Variants in ANKS1B observed in about 807,000 individuals in gnomAD.
ANKS1B encodes ankyrin repeat and sterile alpha motif domain containing 1B, also known as ankyrin repeat and sterile alpha motif domain-containing protein 1B.
Under a neutral mutation model 148.3 loss-of-function variants are expected in ANKS1B, and 36 were observed. That is an observed-to-expected ratio of 0.24 (90% CI 0.19 to 0.32). The LOEUF (loss-of-function observed/expected upper bound fraction) is 0.32. ANKS1B is among the 10% of genes least tolerant of loss of function. The pLI, the probability that ANKS1B is intolerant of heterozygous loss-of-function variation, is 1.00. For synonymous variants in ANKS1B, 542 were observed against 560.8 expected, an observed-to-expected ratio of 0.97 and a Z score of 0.47; for missense variants, 1,157 against 1,542.6, an observed-to-expected ratio of 0.75 and a Z score of 4.19.
At chr12:99,751,260 CT>C (rs1196652740) in intron 8 of ANKS1B, among the ~76,000 whole-genome samples, 1 of 151,776 alleles carries the variant, frequency 6.6e-6, no homozygotes, top group African/African-American at 2.4e-5. Context: ...AATTGTAATT[CT>C]TTTTTGAAAT....
chr12:98,735,955 C>T (rs2097770633), intron 9 of ANKS1B, among the ~76,000 whole-genome samples: 1 of 152,148 alleles, frequency 6.6e-6, no homozygotes, highest in Admixed American at 6.5e-5. Flanking sequence ...GTCGGGAAAC[C>T]ATTCTGAAGG....
intron 10 of ANKS1B, among the ~76,000 whole-genome samples, chr12:99,487,180 C>T (rs1163688631): frequency 6.6e-6 from 1 of 152,154 alleles, no homozygotes; most frequent in Non-Finnish European, 1.5e-5. Context: ...CAGGGTATTC[C>T]CTTGATTTGG....
chr12:99,347,593 ACTAG>A (rs1211300531), intron 12 of ANKS1B, among the ~76,000 whole-genome samples: 1 of 152,058 alleles, frequency 6.6e-6, no homozygotes, highest in Non-Finnish European at 1.5e-5. Context: ...TTGTCAAATC[ACTAG>A]CTGACCATTG....
At chr12:99,338,450 T>C (rs1467438293) in intron 12 of ANKS1B, among the ~76,000 whole-genome samples, 1 of 152,090 alleles carries the variant, frequency 6.6e-6, no homozygotes, top group African/African-American at 2.4e-5. Context: ...CCAGGGAAGG[T>C]CCAGAAATGT....
At chr12:99,465,859 C>G (rs1003942833) in intron 10 of ANKS1B, among the ~76,000 whole-genome samples, 1 of 152,090 alleles carries the variant, frequency 6.6e-6, no homozygotes, top group Non-Finnish European at 1.5e-5. Flanking sequence ...CTATAACACC[C>G]CACTGTCAAC....
At chr12:99,581,877 G>A (rs1271606277) in intron 9 of ANKS1B, among the ~76,000 whole-genome samples, 9 of 133,428 alleles carry the variant, frequency 6.7e-5, no homozygotes, top group Admixed American at 3.4e-4. Context: ...CAGCCTGGGC[G>A]ACAGAGCGAG....
chr12:99,287,917 A>G (rs1418732390), intron 12 of ANKS1B, among the ~76,000 whole-genome samples: 1 of 152,204 alleles, frequency 6.6e-6, no homozygotes, highest in Non-Finnish European at 1.5e-5. Flanking sequence ...TAAGATGTAG[A>G]AAATAGCTTC....
intron 25 of ANKS1B, among the ~76,000 whole-genome samples, chr12:98,768,884 G>GC (rs1566244055): frequency 6.6e-6 from 1 of 151,512 alleles, no homozygotes; most frequent in African/African-American, 2.4e-5. Flanking sequence ...GCTTCTGTAG[G>GC]GGGGGCTCCA....
intron 1 of ANKS1B, among the ~76,000 whole-genome samples, chr12:99,925,095 C>A (rs1180324434): frequency 6.6e-6 from 1 of 152,124 alleles, no homozygotes; most frequent in Non-Finnish European, 1.5e-5. Context: ...TGGCTGGGGG[C>A]TGGCTTACAC....
chr12:99,302,121 T>C (rs941762559), intron 12 of ANKS1B, among the ~76,000 whole-genome samples: 1 of 152,146 alleles, frequency 6.6e-6, no homozygotes, highest in Non-Finnish European at 1.5e-5. Context: ...GATGGAGATA[T>C]TCTCTTTCCA....
At chr12:99,375,406 C>T (rs2093350940) in intron 12 of ANKS1B, among the ~76,000 whole-genome samples, 1 of 152,150 alleles carries the variant, frequency 6.6e-6, no homozygotes, top group Non-Finnish European at 1.5e-5. Flanking sequence ...AGGTCTGTCC[C>T]TTTCTTACGT....
intron 9 of ANKS1B, among the ~76,000 whole-genome samples, chr12:99,604,387 A>T (rs973655666): frequency 6.6e-6 from 1 of 152,100 alleles, no homozygotes; most frequent in Non-Finnish European, 1.5e-5. Flanking sequence ...CCAACTGGAA[A>T]ATCTCAAAGT....
chr12:99,857,687 G>A (rs1352297087), intron 1 of ANKS1B, among the ~76,000 whole-genome samples: 1 of 151,970 alleles, frequency 6.6e-6, no homozygotes, highest in Admixed American at 6.6e-5. Flanking sequence ...ATAAAAATAG[G>A]TATATAAGCC....
intron 11 of ANKS1B, among the ~76,000 whole-genome samples, chr12:99,415,637 G>A (rs570442429): frequency 6.6e-5 from 10 of 152,186 alleles, no homozygotes; most frequent in South Asian, 2.1e-4. Context: ...GTGCAACATC[G>A]TAAAAAGGAC....
At chr12:98,864,060 G>A (rs894923130) in intron 17 of ANKS1B, among the ~76,000 whole-genome samples, 1 of 151,432 alleles carries the variant, frequency 6.6e-6, no homozygotes, top group African/African-American at 2.4e-5. Flanking sequence ...CCAAGACTCT[G>A]TTCCTTGAAG....
intron 17 of ANKS1B, among the ~76,000 whole-genome samples, chr12:98,885,086 C>A (rs1567531438): frequency 6.6e-6 from 1 of 152,250 alleles, no homozygotes; most frequent in East Asian, 1.9e-4. Context: ...CACATTAATT[C>A]ATTAGCAAGA....
At chr12:99,921,809 A>G (rs2094361131) in intron 1 of ANKS1B, among the ~76,000 whole-genome samples, 1 of 152,138 alleles carries the variant, frequency 6.6e-6, no homozygotes, top group Non-Finnish European at 1.5e-5. Context: ...TTCTATGAAA[A>G]TCTCCTGTAT....
intron 9 of ANKS1B, among the ~76,000 whole-genome samples, chr12:99,598,657 A>G (rs1247152257): frequency 6.6e-6 from 1 of 152,146 alleles, no homozygotes; most frequent in East Asian, 1.9e-4. Flanking sequence ...AGAGTCAGAA[A>G]AAGTTTCACA....
intron 8 of ANKS1B, among the ~76,000 whole-genome samples, chr12:99,757,095 C>A (rs1248191268): frequency 2.0e-5 from 3 of 151,948 alleles, no homozygotes; most frequent in African/African-American, 7.2e-5. Context: ...CAAAAATTGA[C>A]AAATGGGATC....
Sources: allele counts gnomAD v4.1 joint callset (sites outside exome capture counted in the v4.1 genomes callset), GRCh38; gene constraint gnomAD v4.1.1; transcripts MANE v1.5; gene names NCBI Gene and HGNC (gene_info 2026-07-23, HGNC 2026-07-21).